The following MCF2 variants were observed in gnomAD, a reference collection of about 807,000 sequenced individuals.
MCF2 encodes MCF.2 cell line derived transforming sequence.
A neutral mutation model predicts 82.5 loss-of-function variants in MCF2; 44 were observed. That is an observed-to-expected ratio of 0.53 (90% CI 0.42 to 0.69). MCF2 has a LOEUF of 0.69. Ranked by LOEUF, MCF2 falls within the 30% of genes least tolerant of loss-of-function variation. The pLI, the probability that MCF2 is intolerant of heterozygous loss-of-function variation, is 0.00. For missense variants in MCF2, 623 were observed against 663.1 expected, an observed-to-expected ratio of 0.94 and a Z score of 0.66; for synonymous variants, 217 against 224.9, an observed-to-expected ratio of 0.96 and a Z score of 0.32.
intron 4 of MCF2, among the ~76,000 whole-genome samples, chrX:139,629,307 T>C (rs1352049760): frequency 8.9e-6 from 1 of 111,832 alleles, no homozygotes; most frequent in Non-Finnish European, 1.9e-5. Flanking sequence ...TCTAAACATG[T>C]CTAAACATAG....
chrX:139,622,276 T>G, intron 6 of MCF2, among the ~76,000 whole-genome samples: 1 of 111,823 alleles, frequency 8.9e-6, no homozygotes, highest in African/African-American at 3.2e-5. Context: ...TTTTACATTA[T>G]TGGTGGGACT....
chrX:139,643,674 T>C (rs1933687909), upstream of MCF2, among the ~76,000 whole-genome samples: 1 of 110,634 alleles, frequency 9.0e-6, no homozygotes, highest in Admixed American at 9.7e-5. Flanking sequence ...AATTCTCCAC[T>C]GAGAAAGCAG....
intron 1 of MCF2, among the ~76,000 whole-genome samples, chrX:139,690,328 C>T (rs1267662164): frequency 2.1e-5 from 2 of 93,876 alleles, no homozygotes; most frequent in Non-Finnish European, 4.1e-5. Context: ...GCATGCATTC[C>T]TCCAAAGGAG....
intron 1 of MCF2, among the ~76,000 whole-genome samples, chrX:139,662,735 A>G (rs2148541131): frequency 9.0e-6 from 1 of 110,498 alleles, no homozygotes; most frequent in African/African-American, 3.3e-5. Flanking sequence ...CTACTATGAA[A>G]CACTGAATTT....
Position 139,588,304 on chromosome X carries a change from G to A in MCF2, c.2449+56C>T, listed in dbSNP as rs911905821. 13 of 891,852 alleles carry A rather than the reference G, an allele frequency of 1.5e-5. No homozygotes were observed. In the East Asian group the frequency reaches 1.6e-4, roughly 11 times the overall value. The allele number at this position is 891,852 out of a possible 1,213,427, so 73.5% of individuals were successfully genotyped here. A position where few individuals can be genotyped will look rare whatever the true frequency, so the allele number is the denominator to read the frequency against. ...CTCTGGAAAAATAATTTAAAAATCT[G>A]AGTCAATAAGCTGTTACTATACTTC... On this transcript the variant is annotated intron_variant, in intron 21 of 24. Transcript: ENST00000370576.
At chrX:139,616,896 A>G (rs779356829) in intron 8 of MCF2, among the ~76,000 whole-genome samples, 1 of 112,016 alleles carries the variant, frequency 8.9e-6, no homozygotes, top group Non-Finnish European at 1.9e-5. Context: ...AAAGACAAGA[A>G]TAAAGTTTCC....
intron 12 of MCF2, among the ~76,000 whole-genome samples, chrX:139,606,282 GA>G (rs747468357): frequency 7.8e-4 from 85 of 109,538 alleles, no homozygotes; most frequent in South Asian, 5.1e-3. Flanking sequence ...GTAATGTTCT[GA>G]AATTTTCTAA....
At chrX:139,675,137 C>T (rs764521859) in intron 1 of MCF2, among the ~76,000 whole-genome samples, 70 of 112,370 alleles carry the variant, frequency 6.2e-4, no homozygotes, top group African/African-American at 2.1e-3. Flanking sequence ...GCATGTGTCA[C>T]GTAGTTCTTA....
intron 3 of MCF2, among the ~76,000 whole-genome samples, chrX:139,630,124 G>C (rs1287425635): frequency 1.8e-5 from 2 of 111,768 alleles, no homozygotes. Flanking sequence ...ATTTCTTAAA[G>C]ATGCCATGTA....
At chrX:139,626,074 CT>C in intron 6 of MCF2, 118 bp downstream of exon 9, 1 of 377,135 alleles carries the variant, frequency 2.7e-6, no homozygotes. Flanking sequence ...TTACATTTGC[CT>C]CCTTTTTTTT....
intron 4 of MCF2, 81 bp from the exon 8 acceptor site, chrX:139,626,837 G>A: frequency 2.4e-6 from 2 of 841,959 alleles, no homozygotes; most frequent in African/African-American, 4.1e-5. Flanking sequence ...ATACAACTAT[G>A]GCATGAAGAA....
At chrX:139,634,289 G>T (rs915884235) in intron 1 of MCF2, among the ~76,000 whole-genome samples, 2 of 111,840 alleles carry the variant, frequency 1.8e-5, no homozygotes, top group African/African-American at 6.5e-5. Flanking sequence ...TATAAACTAA[G>T]AATAAGATAC....
intron 1 of MCF2, among the ~76,000 whole-genome samples, chrX:139,664,326 A>T (rs1194469633): frequency 9.1e-6 from 1 of 110,367 alleles, no homozygotes; most frequent in Non-Finnish European, 1.9e-5. Flanking sequence ...AAAACAAAAA[A>T]AAAAAACCAT....
intron 1 of MCF2, among the ~76,000 whole-genome samples, chrX:139,672,888 T>C (rs182734514): frequency 2.6e-4 from 29 of 111,931 alleles, no homozygotes; most frequent in Admixed American, 2.5e-3. Flanking sequence ...TCAGAAGGAA[T>C]AGTACCAGCT....
intron 19 of MCF2, among the ~76,000 whole-genome samples, chrX:139,592,514 G>A (rs1929609602): frequency 8.9e-6 from 1 of 111,899 alleles, no homozygotes; most frequent in East Asian, 2.8e-4. Flanking sequence ...ATGATAAAAT[G>A]TACATCAAAT....
chrX:139,619,208 G>A lies in MCF2; in HGVS notation c.807+379C>T, dbSNP rs186406961. Among the ~76,000 whole-genome samples the A allele has an allele frequency of 1.7e-3, 185 of 110,707 alleles. 1 individual carries two copies. Among genetic ancestry groups the A allele is most frequent in the Non-Finnish European group, 2.7e-3 (141 of 52,675 alleles). On this transcript the variant is annotated intron_variant, in intron 7 of 24. Coordinates refer to ENST00000370576, the Ensembl canonical transcript of MCF2. ...TATTGGTGGGCTTGAAACAGTTCACGCCATTGTCTCAGTGACCTCCTTTTA... is the reference window on the plus strand; with the variant it reads ...TATTGGTGGGCTTGAAACAGTTCACACCATTGTCTCAGTGACCTCCTTTTA...
chrX:139,699,905 A>G (rs1284366439), intron 1 of MCF2, among the ~76,000 whole-genome samples: 1 of 112,372 alleles, frequency 8.9e-6, no homozygotes, highest in East Asian at 2.8e-4. Context: ...ATTTCAAGCT[A>G]GAGATACACT....
At chrX:139,623,638 G>T (rs1182959505) in intron 6 of MCF2, among the ~76,000 whole-genome samples, 1 of 101,401 alleles carries the variant, frequency 9.9e-6, no homozygotes, top group Non-Finnish European at 2.0e-5. Context: ...CTCACTACCT[G>T]AGTAACGGCA....
At position 139,616,496 on chromosome X, in the gene MCF2, A is replaced by G. The variant is rs921444746; in HGVS notation, c.1000-23T>C. 16 of 918,800 alleles carry G rather than the reference A, an allele frequency of 1.7e-5. 1 individual carries two copies. Among genetic ancestry groups the G allele is most frequent in the Admixed American group, 3.3e-5 (1 of 30,284 alleles). 75.7% of individuals were successfully genotyped at this position (918,800 alleles called of 1,213,427 possible). A position where few individuals can be genotyped will look rare whatever the true frequency, so the allele number is the denominator to read the frequency against. ...AGCCTGGTAAGAAAATCAAGAAGAA[A>G]AAAAAAAAATATGAATTAATAAAGA... On this transcript the variant is annotated intron_variant, in intron 8 of 24. Coordinates refer to ENST00000370576, the Ensembl canonical transcript of MCF2.
Sources: allele counts gnomAD v4.1 joint callset (sites outside exome capture counted in the v4.1 genomes callset), GRCh38; gene constraint gnomAD v4.1.1; transcripts MANE v1.5; gene names NCBI Gene and HGNC (gene_info 2026-07-23, HGNC 2026-07-21).